The following PPTC7 variants were observed in gnomAD, a reference collection of about 807,000 sequenced individuals.
PPTC7 encodes the protein protein phosphatase targeting COQ7.
Under a neutral mutation model 30.8 loss-of-function variants are expected in PPTC7, and 6 were observed. That is an observed-to-expected ratio of 0.19 (90% CI 0.11 to 0.38). The LOEUF (loss-of-function observed/expected upper bound fraction) is 0.38. Among genes scored for constraint, PPTC7 ranks in the 10% least tolerant of loss-of-function variants. PPTC7 has a pLI of 1.00. For synonymous variants in PPTC7, 163 were observed against 168.1 expected, an observed-to-expected ratio of 0.97 and a Z score of 0.23; for missense variants, 218 against 404.8, an observed-to-expected ratio of 0.54 and a Z score of 3.96.
rs10849900 is a variant in PPTC7 at position 110,537,085 on chromosome 12, T to C, written c.867A>G (p.Pro289=). Residue 289 remains proline (P), a synonymous_variant, in exon 6 of 6, where the codon CCA becomes CCG. Transcript: ENST00000354300. ...DNGLNVRGGK[P]DDITVLLSIV... is the part of the protein sequence containing the mutation. The stretch of plus-strand genomic sequence containing the variant: ...TTGAAAGAAGGACGGTGATGTCATC[T>C]GGCTTTCCACCTACAATGAAAATGA... 0.32 allele frequency: 516,153 copies of C among 1,604,524 alleles called. 87,475 individuals are homozygous for C. The highest frequency in any genetic ancestry group is 0.53 in the South Asian group (48,213 of 90,704).
At chr12:110,556,291 T>C (rs966386949) in intron 1 of PPTC7, among the ~76,000 whole-genome samples, 4 of 152,156 alleles carry the variant, frequency 2.6e-5, no homozygotes, top group Non-Finnish European at 4.4e-5. Flanking sequence ...AAAAAGCATA[T>C]AAACTCTTCA....
intron 2 of PPTC7, among the ~76,000 whole-genome samples, chr12:110,551,196 A>T (rs1208986529): frequency 6.6e-6 from 1 of 152,214 alleles, no homozygotes; most frequent in Non-Finnish European, 1.5e-5. Context: ...CGTATTGTGC[A>T]AGAGTTTCTC....
At chr12:110,572,957 G>A (rs772297273) in intron 1 of PPTC7, among the ~76,000 whole-genome samples, 59 of 152,186 alleles carry the variant, frequency 3.9e-4, no homozygotes, top group Admixed American at 2.2e-3. Context: ...TCAGCTCACC[G>A]CAACCTCCGC....
chr12:110,543,194 G>A (rs1426215056), intron 3 of PPTC7, among the ~76,000 whole-genome samples: 2 of 152,186 alleles, frequency 1.3e-5, no homozygotes, highest in African/African-American at 4.8e-5. Flanking sequence ...AAGCACACAT[G>A]CCTATGAGGA....
intron 1 of PPTC7, among the ~76,000 whole-genome samples, chr12:110,554,092 A>G (rs2135774951): frequency 6.6e-6 from 1 of 152,324 alleles, no homozygotes; most frequent in African/African-American, 2.4e-5. Flanking sequence ...ACTTCAAGTG[A>G]TCTGCCCATC....
At chr12:110,538,710 G>A (rs1245162656) in intron 4 of PPTC7, among the ~76,000 whole-genome samples, 1 of 152,094 alleles carries the variant, frequency 6.6e-6, no homozygotes, top group Non-Finnish European at 1.5e-5. Flanking sequence ...GTCGAGCTGT[G>A]AAATCTTGGG....
chr12:110,582,235 G>C (rs751750668), intron 1 of PPTC7, among the ~76,000 whole-genome samples: 5 of 152,232 alleles, frequency 3.3e-5, no homozygotes, highest in Non-Finnish European at 7.3e-5. Flanking sequence ...AACGCTGTGA[G>C]GGTTTTTTCG....
chr12:110,574,941 G>T (rs1481702694), intron 1 of PPTC7, among the ~76,000 whole-genome samples: 3 of 140,648 alleles, frequency 2.1e-5, no homozygotes, highest in Non-Finnish European at 4.6e-5. Flanking sequence ...ACCATGCCCG[G>T]CTTTTTTTTT....
At chr12:110,572,219 G>C (rs2064542431) in intron 1 of PPTC7, among the ~76,000 whole-genome samples, 1 of 152,186 alleles carries the variant, frequency 6.6e-6, no homozygotes, top group African/African-American at 2.4e-5. Context: ...GCCAAGGTGG[G>C]TGGATCACGA....
intron 3 of PPTC7, among the ~76,000 whole-genome samples, chr12:110,541,492 G>A (rs572986335): frequency 6.6e-6 from 1 of 151,890 alleles, no homozygotes; most frequent in Non-Finnish European, 1.5e-5. Flanking sequence ...CGGATCACCT[G>A]AGGTCAGGAG....
chr12:110,561,106 G>A lies in PPTC7; in HGVS notation c.224-9138C>T, dbSNP rs551188658. Among the ~76,000 whole-genome samples, 3 of 152,256 alleles carry A rather than the reference G, an allele frequency of 2.0e-5. 1 individual carries two copies. The highest frequency in any genetic ancestry group is 7.2e-5 in the African/African-American group (3 of 41,550). On this transcript the variant is annotated intron_variant, in intron 1 of 5. Transcript: ENST00000354300. ...AGTAAGGGGCCATCTAATGAGAAAGGGGGCTAAGCAATATTTATTGCAGTA... is the reference window on the plus strand; with the variant it reads ...AGTAAGGGGCCATCTAATGAGAAAGAGGGCTAAGCAATATTTATTGCAGTA...
At chr12:110,549,294 T>G (rs1430545488) in intron 2 of PPTC7, among the ~76,000 whole-genome samples, 1 of 152,082 alleles carries the variant, frequency 6.6e-6, no homozygotes, top group East Asian at 1.9e-4. Flanking sequence ...AGCTAGAAAG[T>G]CAAAGAAATA....
chr12:110,538,309 TG>T, intron 4 of PPTC7, 36 bp from the exon 5 acceptor site: 1 of 1,596,166 alleles, frequency 6.3e-7, no homozygotes, highest in Non-Finnish European at 8.6e-7. Flanking sequence ...TTTACCATAA[TG>T]CTCAAGACAG....
intron 2 of PPTC7, 42 bp downstream of exon 2, chr12:110,551,747 A>G: frequency 6.4e-7 from 1 of 1,560,918 alleles, no homozygotes; most frequent in Non-Finnish European, 8.8e-7. Flanking sequence ...TTAACTATCT[A>G]GGGGGCTTCT....
Position 110,583,110 on chromosome 12 carries a change from A to C in PPTC7, c.-79T>G. The C allele has an allele frequency of 2.6e-6, 3 of 1,159,884 alleles. No homozygotes were observed. Among genetic ancestry groups the C allele is most frequent in the Non-Finnish European group, 3.3e-6 (3 of 911,510 alleles). 71.8% of individuals were successfully genotyped at this position (1,159,884 alleles called of 1,614,324 possible). ...GAGGCCCGGAGCCGGCTCTCTCCTC[A>C]GCCGCAGTCGCGCCGCCGCTGGGGC... On this transcript the variant is annotated 5_prime_UTR_variant, in exon 1 of 6. Coordinates refer to ENST00000354300, the MANE Select transcript of PPTC7 (RefSeq NM_139283.2).
At chr12:110,556,216 T>A (rs150406857) in intron 1 of PPTC7, among the ~76,000 whole-genome samples, 1 of 152,208 alleles carries the variant, frequency 6.6e-6, no homozygotes, top group African/African-American at 2.4e-5. Flanking sequence ...TTTGCTTTTT[T>A]ACACGGGCAA....
At chr12:110,551,365 G>A (rs2064348437) in intron 2 of PPTC7, among the ~76,000 whole-genome samples, 1 of 152,144 alleles carries the variant, frequency 6.6e-6, no homozygotes, top group Admixed American at 6.5e-5. Context: ...ATTTTTTGGA[G>A]ATGGAGTTTC....
At chr12:110,564,788 G>T (rs1045681664) in intron 1 of PPTC7, among the ~76,000 whole-genome samples, 2 of 136,228 alleles carry the variant, frequency 1.5e-5, no homozygotes, top group African/African-American at 3.0e-5. Flanking sequence ...ATACATACAC[G>T]TTATATATAT....
At position 110,544,520 on chromosome 12, in the gene PPTC7, A is replaced by T. The variant is rs186372396; in HGVS notation, c.602+1360T>A. On this transcript the variant is annotated intron_variant, in intron 3 of 5. Coordinates refer to ENST00000354300, the MANE Select transcript of PPTC7 (RefSeq NM_139283.2). The stretch of plus-strand genomic sequence containing the variant: ...TGGACACTCATCTAAGAAAAGATAA[A>T]CTGTAAAAGTCAACTCAAAAAAAGC... 6.8e-3 allele frequency among the ~76,000 whole-genome samples: 1,040 copies of T among 152,302 alleles called. 1 individual carries two copies. The highest frequency in any genetic ancestry group is 9.4e-3 in the Non-Finnish European group (637 of 68,026).
Sources: allele counts gnomAD v4.1 joint callset (sites outside exome capture counted in the v4.1 genomes callset), GRCh38; gene constraint gnomAD v4.1.1; transcripts MANE v1.5; gene names NCBI Gene and HGNC (gene_info 2026-07-23, HGNC 2026-07-21).